The following CDK12 variants were observed in gnomAD, a reference collection of about 807,000 sequenced individuals.
The protein encoded by CDK12 is cyclin-dependent kinase 12.
In CDK12, 17 loss-of-function variants were observed where a neutral mutation model predicts 133.8. The ratio of observed to expected loss-of-function variants is 0.13; its 90% CI spans 0.09 to 0.19. The LOEUF (loss-of-function observed/expected upper bound fraction) is 0.19, where lower values mean the gene tolerates loss of function less well. Ranked by LOEUF, CDK12 falls within the 10% of genes least tolerant of loss-of-function variation. CDK12 has a pLI of 1.00. For synonymous variants in CDK12, 694 were observed against 683.6 expected, an observed-to-expected ratio of 1.02 and a Z score of -0.24; for missense variants, 1,508 against 1,818.7, an observed-to-expected ratio of 0.83 and a Z score of 3.11.
At chr17:39,484,062 T>G (rs1361014629) in intron 2 of CDK12, among the ~76,000 whole-genome samples, 1 of 152,136 alleles carries the variant, frequency 6.6e-6, no homozygotes, top group Non-Finnish European at 1.5e-5. Context: ...CATGCTGGTC[T>G]CAAACTCCTG....
intron 8 of CDK12, among the ~76,000 whole-genome samples, chr17:39,512,898 T>G (rs1371693958): frequency 6.6e-6 from 1 of 152,246 alleles, no homozygotes; most frequent in Non-Finnish European, 1.5e-5. Flanking sequence ...ATTCTTGGAT[T>G]TAAACTTATT....
At chr17:39,562,352 T>C (rs540925020) in intron 3 of CDK12, among the ~76,000 whole-genome samples, 1 of 152,316 alleles carries the variant, frequency 6.6e-6, no homozygotes, top group Non-Finnish European at 1.5e-5. Flanking sequence ...GACCACTCTT[T>C]ACTAGCTCTT....
intron 4 of CDK12, among the ~76,000 whole-genome samples, chr17:39,493,509 A>G (rs1004538202): frequency 2.0e-5 from 3 of 151,082 alleles, no homozygotes; most frequent in South Asian, 4.2e-4. Flanking sequence ...GGGTTTTACC[A>G]TGTTGGCCAG....
In CDK12 at chr17:39,490,505, A is replaced by G. The variant is rs202150049; in HGVS notation, c.1932-52A>G. On this transcript the variant is annotated intron_variant, in intron 2 of 13. Coordinates refer to ENST00000447079, the MANE Select transcript of CDK12 (RefSeq NM_016507.4). ...GGCATTATGATCTTTGAAAATTTTTATTTGCGTATCTTTAATTGTAATTTT... is the reference window on the plus strand; with the variant it reads ...GGCATTATGATCTTTGAAAATTTTTGTTTGCGTATCTTTAATTGTAATTTT... 2.0e-3 allele frequency: 2,676 copies of G among 1,337,774 alleles called. 9 individuals are homozygous for G. Among genetic ancestry groups the G allele is most frequent in the Middle Eastern group, 7.2e-3 (33 of 4,558 alleles). 82.9% of individuals were successfully genotyped at this position (1,337,774 alleles called of 1,614,324 possible).
rs763910012 is a variant in CDK12, at chr17:39,526,061, G to A, written c.3505G>A (p.Asp1169Asn). 1.9e-6 allele frequency: 3 copies of A among 1,614,202 alleles called. No homozygotes were observed. Among genetic ancestry groups the A allele is most frequent in the Admixed American group, 3.3e-5 (2 of 60,024 alleles). The stretch of plus-strand genomic sequence containing the variant: ...GACGGAAGCTACTTCCCAGCAGCAG[G>A]ACTCAGAGACCATGGCCCCAGAGGA... ...ALTEATSQQQDSETMAPEESL... is the reference protein window; with the variant it reads ...ALTEATSQQQNSETMAPEESL... Residue 1169 changes from aspartate (D) to asparagine (N), a missense_variant, in exon 13 of 14, where the codon GAC (aspartate) becomes AAC (asparagine). By Grantham distance (23) the Asp-to-Asn change is conservative. This residue lies in a region of CDK12 where 399 missense variants were observed against 469.6 expected (regional missense o/e 0.85). Transcript: ENST00000447079.
chr17:39,474,781 CTTT>C (rs893347738), intron 2 of CDK12, among the ~76,000 whole-genome samples: 19 of 94,094 alleles, frequency 2.0e-4, no homozygotes, highest in African/African-American at 6.4e-4. Flanking sequence ...ATGATGTTTC[CTTT>C]TTTTTTTTTT....
chr17:39,506,316 G>A (rs1444963003), intron 6 of CDK12, among the ~76,000 whole-genome samples: 2 of 147,254 alleles, frequency 1.4e-5, no homozygotes, highest in South Asian at 4.2e-4. Flanking sequence ...CCCGGTTCAA[G>A]CCCTTCTCCT....
chr17:39,494,626 G>A lies in CDK12; in HGVS notation c.2351G>A (p.Arg784Gln), dbSNP rs191899574. 18 of 1,609,482 alleles carry A rather than the reference G, an allele frequency of 1.1e-5. No homozygotes were observed. Among genetic ancestry groups the A allele is most frequent in the Non-Finnish European group, 5.9e-6 (7 of 1,177,366 alleles). Reference protein sequence around the residue: ...EIKILRQLIHRSVVNMKEIVT... With the variant: ...EIKILRQLIHQSVVNMKEIVT... ...AAAATCCTTCGTCAGTTAATCCACC[G>A]AAGTGTTGTTAACATGAAGGAAATT... The change falls in exon 5 of 14, where the codon CGA becomes CAA. Residue 784 changes from arginine (R) to glutamine (Q), a missense_variant. By Grantham distance (43) the Arg-to-Gln change is conservative. This residue lies in a region of CDK12 where 74 missense variants were observed against 160.2 expected (regional missense o/e 0.46). Transcript: ENST00000447079.
intron 5 of CDK12, among the ~76,000 whole-genome samples, chr17:39,497,174 C>T (rs547371398): frequency 4.9e-4 from 74 of 152,214 alleles, no homozygotes; most frequent in Non-Finnish European, 9.0e-4. Context: ...CCAGCTGATC[C>T]GCCCACCTCG....
intron 10 of CDK12, among the ~76,000 whole-genome samples, chr17:39,519,656 A>G (rs959496787): frequency 2.0e-5 from 3 of 151,390 alleles, no homozygotes; most frequent in Admixed American, 1.3e-4. Flanking sequence ...GTTGTGCAGT[A>G]AGAACTCATT....
Position 39,462,955 on chromosome 17 carries a change from A to C in CDK12, c.884A>C (p.Tyr295Ser), listed in dbSNP as rs749865286. The C allele has an allele frequency of 6.2e-7, 1 of 1,614,170 alleles. No homozygotes were observed. Among genetic ancestry groups the C allele is most frequent in the African/African-American group, 1.3e-5 (1 of 75,038 alleles). Residue 295 changes from tyrosine (Y) to serine (S), a missense_variant, in exon 1 of 14, where the codon TAC becomes TCC. Coordinates refer to ENST00000447079, the MANE Select transcript of CDK12 (RefSeq NM_016507.4). The stretch of plus-strand genomic sequence containing the variant: ...TCCAGCACCCGGTCACCGAGCCCCT[A>C]CAGTAGGCGACAGAGATCTGTCAGT... ...YQSSTRSPSP[Y>S]SRRQRSVSPY...
intron 5 of CDK12, among the ~76,000 whole-genome samples, chr17:39,496,912 C>CTTT (rs71147349): frequency 1.1e-5 from 1 of 87,834 alleles, no homozygotes; most frequent in Non-Finnish European, 2.0e-5. Flanking sequence ...TTCAGTATAT[C>CTTT]TTTTTTTTTT....
chr17:39,512,418 C>T (rs2053557817), intron 8 of CDK12, among the ~76,000 whole-genome samples: 1 of 152,128 alleles, frequency 6.6e-6, no homozygotes, highest in African/African-American at 2.4e-5. Flanking sequence ...AGGTGGGGAG[C>T]AGTGGGAGCC....
intron 1 of CDK12, among the ~76,000 whole-genome samples, chr17:39,465,273 A>G (rs1270941196): frequency 7.0e-6 from 1 of 142,814 alleles, no homozygotes; most frequent in Admixed American, 7.1e-5. Context: ...AAAAAAAGCC[A>G]TGTATTTTGT....
At chr17:39,495,736 G>A (rs144728990) in intron 5 of CDK12, among the ~76,000 whole-genome samples, 59 of 150,480 alleles carry the variant, frequency 3.9e-4, no homozygotes, top group African/African-American at 1.2e-3. Context: ...CGGAGCTTGC[G>A]GTGAGCCAAG....
intron 1 of CDK12, among the ~76,000 whole-genome samples, chr17:39,466,405 G>T (rs1470242134): frequency 6.7e-6 from 1 of 148,610 alleles, no homozygotes; most frequent in Non-Finnish European, 1.5e-5. Context: ...ACCTGAGGTC[G>T]GGAGTTCGAG....
In CDK12 at chr17:39,480,441, T is replaced by TG. The variant is rs1303388390; in HGVS notation, c.1931+8678_1931+8679insG. On this transcript the variant is annotated intron_variant, in intron 2 of 13. Coordinates refer to ENST00000447079, the MANE Select transcript of CDK12 (RefSeq NM_016507.4). ...TGTACCACCATGCCCAGCTAGTTTT[T>TG]TTTTTGTTTTGTTTTGTTTTTTTGA... Among the ~76,000 whole-genome samples the TG allele has an allele frequency of 4.7e-5, 7 of 150,066 alleles. No individual in the cohort carries two copies. The South Asian group carries it at 1.1e-3, about 23-fold the overall frequency.
At position 39,517,446 on chromosome 17, in the gene CDK12, T is replaced by C; in HGVS notation, c.2853T>C (p.Leu951=). The change falls in exon 10 of 14, where the codon CTT becomes CTC. Residue 951 remains leucine, a synonymous_variant. Coordinates refer to ENST00000447079, the MANE Select transcript of CDK12 (RefSeq NM_016507.4). ...GCTTTTGCTTTGTTTTCAGCCGACT[T>C]TGTGGTAGCCCTTGTCCAGCTGTGT... ...ELAQLELISR[L]CGSPCPAVWP... 1.2e-6 allele frequency: 2 copies of C among 1,606,042 alleles called. No individual in the cohort carries two copies. Among genetic ancestry groups the C allele is most frequent in the Non-Finnish European group, 1.7e-6 (2 of 1,173,976 alleles).
intron 3 of CDK12, among the ~76,000 whole-genome samples, chr17:39,559,671 C>G (rs1179073975): frequency 3.9e-5 from 6 of 151,982 alleles, no homozygotes; most frequent in Admixed American, 2.0e-4. Flanking sequence ...TTCACTGCAG[C>G]CTTGAAAGCC....
Sources: gnomAD v4.1 joint callset for allele counts (sites outside exome capture counted in the v4.1 genomes callset) on GRCh38, gnomAD v4.1.1 for gene constraint, gnomAD v4.1.1 regional missense constraint, MANE v1.5 for transcripts, NCBI Gene and HGNC (gene_info 2026-07-23, HGNC 2026-07-21) for gene names.